The following CHST11 variants were observed in gnomAD, a reference collection of about 807,000 sequenced individuals.
CHST11 encodes the protein C4S-1.
Under a neutral mutation model 30.4 loss-of-function variants are expected in CHST11, and 9 were observed. The ratio of observed to expected loss-of-function variants is 0.30; its 90% CI spans 0.18 to 0.52. The LOEUF (loss-of-function observed/expected upper bound fraction) is 0.52. Among genes scored for constraint, CHST11 ranks in the 20% least tolerant of loss-of-function variants. CHST11 has a pLI of 0.97. For missense variants in CHST11, 348 were observed against 460.6 expected (o/e 0.76, Z 2.24); for synonymous variants, 152 against 187.8 (o/e 0.81, Z 1.56).
rs59116085 is a variant in CHST11 at position 104,544,138 on chromosome 12, AAAAGAAAGAAAGAAAG to A, written c.119-57738_119-57723del. On this transcript the variant is annotated intron_variant, in intron 1 of 2. Coordinates refer to ENST00000303694, the MANE Select transcript of CHST11 (RefSeq NM_018413.6). ...GACCCTGTCTGTTAAAAAAAAAAAA[AAAAGAAAGAAAGAAAG>A]AAAGAAAGAAAGAAAGAAAGAAAGA... 9.7e-3 allele frequency among the ~76,000 whole-genome samples: 698 copies of A among 71,726 alleles called. 33 individuals are homozygous for A. The highest frequency in any genetic ancestry group is 0.032 in the African/African-American group (658 of 20,380). The allele number at this position is 71,726 out of a possible 152,430, so 47.1% of individuals were successfully genotyped here.
intron 2 of CHST11, among the ~76,000 whole-genome samples, chr12:104,637,405 G>A (rs1388995890): frequency 4.0e-5 from 6 of 149,596 alleles, no homozygotes; most frequent in South Asian, 2.1e-4. Context: ...GTTAATGGGT[G>A]CAGCACACCA....
intron 2 of CHST11, among the ~76,000 whole-genome samples, chr12:104,627,081 G>A (rs1458044713): frequency 1.3e-5 from 2 of 152,036 alleles, no homozygotes; most frequent in Non-Finnish European, 2.9e-5. Flanking sequence ...ATGTCATATA[G>A]TTGGAATACA....
chr12:104,484,647 T>C (rs931909055), intron 1 of CHST11, among the ~76,000 whole-genome samples: 3 of 152,224 alleles, frequency 2.0e-5, no homozygotes, highest in Non-Finnish European at 4.4e-5. Context: ...AAGTGGTCAG[T>C]GATACATATG....
chr12:104,724,627 C>T (rs981065321), intron 2 of CHST11, among the ~76,000 whole-genome samples: 5 of 152,118 alleles, frequency 3.3e-5, no homozygotes, highest in Non-Finnish European at 5.9e-5. Flanking sequence ...CTCCCCTCTG[C>T]ACCTCTGAGG....
intron 2 of CHST11, among the ~76,000 whole-genome samples, chr12:104,613,395 T>C (rs1444766761): frequency 6.6e-6 from 1 of 152,078 alleles, no homozygotes; most frequent in Admixed American, 6.5e-5. Context: ...GGGACTGATA[T>C]GGTTTGGATT....
chr12:104,699,444 C>T (rs1425894942), intron 2 of CHST11, among the ~76,000 whole-genome samples: 1 of 151,818 alleles, frequency 6.6e-6, no homozygotes, highest in Non-Finnish European at 1.5e-5. Flanking sequence ...GAATTTATTC[C>T]ACCTGCCTCT....
intron 1 of CHST11, among the ~76,000 whole-genome samples, chr12:104,531,310 G>A (rs561441387): frequency 6.6e-6 from 1 of 152,152 alleles, no homozygotes; most frequent in Admixed American, 6.6e-5. Context: ...GCAACATAGT[G>A]GGACCTTGCC....
chr12:104,745,835 T>C (rs958662144), intron 2 of CHST11, among the ~76,000 whole-genome samples: 1 of 152,230 alleles, frequency 6.6e-6, no homozygotes, highest in African/African-American at 2.4e-5. Flanking sequence ...AAGAAGCTTT[T>C]GGGCTCAGAC....
chr12:104,643,033 C>T (rs139021310), intron 2 of CHST11, among the ~76,000 whole-genome samples: 13 of 152,180 alleles, frequency 8.5e-5, no homozygotes, highest in African/African-American at 2.4e-4. Flanking sequence ...CTCAAAAAGC[C>T]GTGTTGTAGG....
intron 1 of CHST11, among the ~76,000 whole-genome samples, chr12:104,584,218 A>G (rs2038778291): frequency 6.6e-6 from 1 of 151,956 alleles, no homozygotes; most frequent in Admixed American, 6.6e-5. Flanking sequence ...AGAAAGTGTA[A>G]AAAGTACTCT....
intron 1 of CHST11, among the ~76,000 whole-genome samples, chr12:104,563,694 T>C (rs1012305705): frequency 1.3e-5 from 2 of 152,058 alleles, no homozygotes; most frequent in African/African-American, 4.8e-5. Context: ...CCATCCTTCT[T>C]CCATGGGGTA....
intron 2 of CHST11, among the ~76,000 whole-genome samples, chr12:104,739,450 C>T (rs1180657532): frequency 6.6e-6 from 1 of 152,166 alleles, no homozygotes; most frequent in Non-Finnish European, 1.5e-5. Context: ...AGGTCCGTGG[C>T]ACCGTCATCC....
intron 2 of CHST11, among the ~76,000 whole-genome samples, chr12:104,718,464 C>T (rs1337380490): frequency 6.6e-6 from 1 of 152,214 alleles, no homozygotes; most frequent in Admixed American, 6.5e-5. Flanking sequence ...ATTGTGTGGC[C>T]AGCCCAGTGT....
At chr12:104,558,054 C>T (rs907103793) in intron 1 of CHST11, among the ~76,000 whole-genome samples, 2 of 152,026 alleles carry the variant, frequency 1.3e-5, no homozygotes, top group African/African-American at 2.4e-5. Flanking sequence ...CTTTTCCAGC[C>T]GCAGCAGCAG....
chr12:104,608,500 C>A (rs2039028067), intron 2 of CHST11, among the ~76,000 whole-genome samples: 1 of 152,158 alleles, frequency 6.6e-6, no homozygotes, highest in South Asian at 2.1e-4. Flanking sequence ...AAATCCCCAG[C>A]AAGCCTTTGT....
At chr12:104,526,707 C>T (rs1426131660) in intron 1 of CHST11, among the ~76,000 whole-genome samples, 1 of 152,150 alleles carries the variant, frequency 6.6e-6, no homozygotes, top group Non-Finnish European at 1.5e-5. Flanking sequence ...ATTTGTGCTC[C>T]TCAGGTAGAA....
At chr12:104,488,583 ATG>A (rs56104318) in intron 1 of CHST11, among the ~76,000 whole-genome samples, 42,064 of 128,232 alleles carry the variant, frequency 0.33, 6,667 homozygotes, top group East Asian at 0.59. Flanking sequence ...ATGTGTGTGT[ATG>A]TATGCGTATG....
At chr12:104,651,873 G>A (rs979647467) in intron 2 of CHST11, among the ~76,000 whole-genome samples, 2 of 152,008 alleles carry the variant, frequency 1.3e-5, no homozygotes, top group African/African-American at 2.4e-5. Flanking sequence ...GCTCCCAATC[G>A]ATGCATTTGG....
chr12:104,615,730 C>T (rs1437718579), intron 2 of CHST11, among the ~76,000 whole-genome samples: 2 of 152,110 alleles, frequency 1.3e-5, no homozygotes, highest in Admixed American at 1.3e-4. Context: ...AGTTCAAGAC[C>T]AGTCTGGCCA....
Sources: gnomAD v4.1 joint callset for allele counts (sites outside exome capture counted in the v4.1 genomes callset) on GRCh38, gnomAD v4.1.1 for gene constraint, MANE v1.5 for transcripts, NCBI Gene and HGNC (gene_info 2026-07-23, HGNC 2026-07-21) for gene names.